Variants in SH3PXD2B observed in about 807,000 individuals in gnomAD.
SH3PXD2B encodes SH3 and PX domain-containing protein 2B.
A neutral mutation model predicts 73.1 loss-of-function variants in SH3PXD2B; 37 were observed. The ratio of observed to expected loss-of-function variants is 0.51; its 90% CI spans 0.39 to 0.67. The LOEUF (loss-of-function observed/expected upper bound fraction) is 0.67, where lower values mean the gene tolerates loss of function less well. Among genes scored for constraint, SH3PXD2B ranks in the 30% least tolerant of loss-of-function variants. The pLI is 0.00. For synonymous variants in SH3PXD2B, 457 were observed against 480.5 expected, an observed-to-expected ratio of 0.95 and a Z score of 0.64; for missense variants, 1,053 against 1,197.8, an observed-to-expected ratio of 0.88 and a Z score of 1.78.
chr5:172,386,959 G>A (rs892986933), intron 4 of SH3PXD2B, among the ~76,000 whole-genome samples: 1 of 152,184 alleles, frequency 6.6e-6, no homozygotes, highest in African/African-American at 2.4e-5. Context: ...TTTTCTCGAA[G>A]ACATATTGTT....
chr5:172,450,193 A>C (rs1432124409), intron 1 of SH3PXD2B, among the ~76,000 whole-genome samples: 2 of 152,048 alleles, frequency 1.3e-5, no homozygotes, highest in Non-Finnish European at 2.9e-5. Context: ...CAATGGGTGA[A>C]TTTTATGGTA....
chr5:172,340,902 T>C (rs1262836814), intron 12 of SH3PXD2B, among the ~76,000 whole-genome samples: 1 of 152,130 alleles, frequency 6.6e-6, no homozygotes, highest in Admixed American at 6.6e-5. Context: ...GCCTGAAAAA[T>C]ATCTATCTTT....
intron 4 of SH3PXD2B, among the ~76,000 whole-genome samples, chr5:172,387,815 A>C (rs1758091654): frequency 6.6e-6 from 1 of 152,344 alleles, no homozygotes; most frequent in East Asian, 1.9e-4. Context: ...CAAATAAACC[A>C]ATCTTTTTGT....
chr5:172,423,713 A>G (rs939115344), intron 1 of SH3PXD2B, among the ~76,000 whole-genome samples: 17 of 152,088 alleles, frequency 1.1e-4, no homozygotes, highest in African/African-American at 3.9e-4. Context: ...GTGCAGTGAC[A>G]CAATCTCGGC....
chr5:172,413,891 A>C (rs1470691888), intron 2 of SH3PXD2B, among the ~76,000 whole-genome samples: 1 of 152,236 alleles, frequency 6.6e-6, no homozygotes, highest in Non-Finnish European at 1.5e-5. Flanking sequence ...GGATGGAGTA[A>C]AGGCAGTATT....
At chr5:172,352,891 C>T (rs544036581) in intron 9 of SH3PXD2B, among the ~76,000 whole-genome samples, 2 of 152,210 alleles carry the variant, frequency 1.3e-5, no homozygotes, top group African/African-American at 4.8e-5. Context: ...TAGACTAATA[C>T]ACTATTACTA....
intron 3 of SH3PXD2B, among the ~76,000 whole-genome samples, chr5:172,400,076 G>A (rs1758392609): frequency 6.6e-6 from 1 of 152,114 alleles, no homozygotes; most frequent in African/African-American, 2.4e-5. Flanking sequence ...ACTCAAGTCT[G>A]GGCTACTTAT....
rs3812019 is a variant in SH3PXD2B at position 172,336,619 on chromosome 5, A to G, written c.*1750T>C. On this transcript the variant is annotated 3_prime_UTR_variant, in exon 13 of 13. Transcript: ENST00000311601. ...AGGTAGACACTGAGCATCCCCCCAA[A>G]AAACTGGCTTTGTGGGTCCAAAAGT... 0.023 allele frequency: 22,993 copies of G among 985,768 alleles called. 392 individuals are homozygous for G. The highest frequency in any genetic ancestry group is 0.12 in the East Asian group (1,039 of 8,772). The allele number at this position is 985,768 out of a possible 1,614,324, so 61.1% of individuals were successfully genotyped here.
At chr5:172,348,037 C>T (rs1757034068) in intron 10 of SH3PXD2B, among the ~76,000 whole-genome samples, 1 of 152,168 alleles carries the variant, frequency 6.6e-6, no homozygotes, top group Non-Finnish European at 1.5e-5. Flanking sequence ...CGGGTCCATA[C>T]AGAAGGGTAG....
intron 10 of SH3PXD2B, among the ~76,000 whole-genome samples, chr5:172,348,642 C>CTATG (rs1383806371): frequency 1.5e-5 from 1 of 67,502 alleles, no homozygotes; most frequent in African/African-American, 6.7e-5. Context: ...ATCTATGTAT[C>CTATG]TATCTATCTA....
At chr5:172,434,790 T>TTTTTTGTTTTTTTTTTG (rs753861857) in intron 1 of SH3PXD2B, among the ~76,000 whole-genome samples, 1 of 150,672 alleles carries the variant, frequency 6.6e-6, no homozygotes, top group African/African-American at 2.5e-5. Flanking sequence ...TGGTTTTTTT[T>TTTTTTGTTTTTTTTTTG]TTTTTTTTTT....
intron 6 of SH3PXD2B, among the ~76,000 whole-genome samples, chr5:172,364,525 C>T (rs897250772): frequency 1.3e-5 from 2 of 152,086 alleles, no homozygotes; most frequent in African/African-American, 4.8e-5. Context: ...AGGAGCTGGG[C>T]ATGCTGGCAC....
chr5:172,363,428 CAGAG>C (rs1046773030), intron 6 of SH3PXD2B, among the ~76,000 whole-genome samples: 8 of 152,018 alleles, frequency 5.3e-5, no homozygotes, highest in African/African-American at 1.7e-4. Context: ...AATCTAGTCA[CAGAG>C]AGAGACATGT....
At chr5:172,407,154 G>A (rs1365142158) in intron 2 of SH3PXD2B, among the ~76,000 whole-genome samples, 1 of 152,208 alleles carries the variant, frequency 6.6e-6, no homozygotes, top group Admixed American at 6.5e-5. Flanking sequence ...TAAGGACACT[G>A]ACTTGCAGCG....
intron 1 of SH3PXD2B, among the ~76,000 whole-genome samples, chr5:172,434,691 C>T (rs978507379): frequency 6.6e-6 from 1 of 152,078 alleles, no homozygotes; most frequent in Non-Finnish European, 1.5e-5. Context: ...AGCTGAAATT[C>T]CTGGCTGGCA....
chr5:172,427,633 G>A (rs1759127872), intron 1 of SH3PXD2B, among the ~76,000 whole-genome samples: 2 of 152,256 alleles, frequency 1.3e-5, no homozygotes, highest in South Asian at 2.1e-4. Flanking sequence ...TTACAGCCGT[G>A]AGCCACCATG....
chr5:172,345,960 A>G (rs563666777), intron 12 of SH3PXD2B, among the ~76,000 whole-genome samples, 176 bp downstream of exon 12: 3 of 152,286 alleles, frequency 2.0e-5, no homozygotes, highest in African/African-American at 7.2e-5. Context: ...TGAATATCAT[A>G]AGCCGCTGAA....
intron 1 of SH3PXD2B, among the ~76,000 whole-genome samples, chr5:172,433,250 C>T (rs7706424): frequency 0.3 from 44,939 of 151,844 alleles, 7,226 homozygotes; most frequent in East Asian, 0.67. Flanking sequence ...GTAGACTATA[C>T]CATCTAGGTT....
intron 6 of SH3PXD2B, among the ~76,000 whole-genome samples, chr5:172,366,699 C>T (rs1274291676): frequency 6.6e-6 from 1 of 151,864 alleles, no homozygotes; most frequent in Non-Finnish European, 1.5e-5. Flanking sequence ...GCGGTGCAAT[C>T]TCGGCTCACT....
Sources: gnomAD v4.1 joint callset for allele counts (sites outside exome capture counted in the v4.1 genomes callset) on GRCh38, gnomAD v4.1.1 for gene constraint, MANE v1.5 for transcripts, NCBI Gene and HGNC (gene_info 2026-07-23, HGNC 2026-07-21) for gene names.